The following WDR49 variants were observed in gnomAD, a reference collection of about 807,000 sequenced individuals.
The protein encoded by WDR49 is cilia- and flagella-associated protein 337.
WDR49 carries 107 observed loss-of-function variants against 119.5 expected under a neutral mutation model. The observed-to-expected ratio is 0.90, with a 90% CI of 0.77 to 1.05. The LOEUF is 1.05. WDR49 is among the 50% of genes least tolerant of loss of function. WDR49 has a pLI of 0.00. For synonymous variants in WDR49, 425 were observed against 418.8 expected, an observed-to-expected ratio of 1.01 and a Z score of -0.18; for missense variants, 1,240 against 1,220.5, an observed-to-expected ratio of 1.02 and a Z score of -0.24.
At chr3:167,536,648 C>A (rs1753038686) in intron 11 of WDR49, among the ~76,000 whole-genome samples, 1 of 149,924 alleles carries the variant, frequency 6.7e-6, no homozygotes, top group Non-Finnish European at 1.5e-5. Flanking sequence ...CCACTGCACT[C>A]TAGCCTGGGC....
chr3:167,563,475 T>A (rs1713402824), intron 8 of WDR49, among the ~76,000 whole-genome samples: 1 of 152,070 alleles, frequency 6.6e-6, no homozygotes, highest in Admixed American at 6.6e-5. Flanking sequence ...TCATTACAGA[T>A]AAAATCATGA....
chr3:167,485,266 T>C (rs1750877638), intron 18 of WDR49, among the ~76,000 whole-genome samples: 1 of 151,840 alleles, frequency 6.6e-6, no homozygotes, highest in Non-Finnish European at 1.5e-5. Context: ...ACATAGATGA[T>C]AGGTTGACAG....
intron 16 of WDR49, 109 bp downstream of exon 16, chr3:167,522,206 G>A (rs1752475674): frequency 2.7e-6 from 3 of 1,097,678 alleles, no homozygotes; most frequent in South Asian, 3.9e-5. Flanking sequence ...GAGAAATCTT[G>A]AGGTAGTCAT....
chr3:167,555,024 G>A (rs1391682546), intron 9 of WDR49, among the ~76,000 whole-genome samples: 1 of 152,086 alleles, frequency 6.6e-6, no homozygotes, highest in Non-Finnish European at 1.5e-5. Context: ...CTAATGATAA[G>A]ATAGTATTTA....
intron 2 of WDR49, among the ~76,000 whole-genome samples, chr3:167,635,483 A>G (rs1349682889): frequency 6.6e-6 from 1 of 151,686 alleles, no homozygotes; most frequent in East Asian, 1.9e-4. Flanking sequence ...CAACCCTTAG[A>G]AATGTTGTTT....
intron 7 of WDR49, among the ~76,000 whole-genome samples, chr3:167,584,929 C>G (rs955376961): frequency 6.6e-6 from 1 of 152,002 alleles, no homozygotes; most frequent in Non-Finnish European, 1.5e-5. Context: ...TCTTGACTAT[C>G]TTTTTCTTGA....
chr3:167,526,226 C>T (rs1752623819), intron 15 of WDR49, among the ~76,000 whole-genome samples: 1 of 152,024 alleles, frequency 6.6e-6, no homozygotes, highest in Non-Finnish European at 1.5e-5. Context: ...CAAATAATAT[C>T]AATAATACAA....
At chr3:167,615,900 T>C (rs183394739) in intron 5 of WDR49, among the ~76,000 whole-genome samples, 1 of 152,308 alleles carries the variant, frequency 6.6e-6, no homozygotes, top group East Asian at 1.9e-4. Flanking sequence ...ACAGAGCTCA[T>C]AGTGCACAAT....
chr3:167,499,527 A>T (rs1751479346), intron 18 of WDR49, among the ~76,000 whole-genome samples: 1 of 152,140 alleles, frequency 6.6e-6, no homozygotes, highest in African/African-American at 2.4e-5. Flanking sequence ...CTTTCACAGG[A>T]CCCCTCTTTG....
chr3:167,614,126 G>C (rs894731687), intron 5 of WDR49, among the ~76,000 whole-genome samples: 2 of 151,794 alleles, frequency 1.3e-5, no homozygotes, highest in Admixed American at 6.6e-5. Context: ...ATGGAGTCTC[G>C]CTCTCTCGCC....
At position 167,604,339 on chromosome 3, in the gene WDR49, A is replaced by T. The variant is rs751084430; in HGVS notation, c.1088T>A (p.Ile363Asn). 6.2e-7 allele frequency: 1 copy of T among 1,613,822 alleles called. No individual in the cohort carries two copies. The highest frequency in any genetic ancestry group is 1.1e-5 in the South Asian group (1 of 91,044). ...CCGAGAGTGATAATCAAAAGCATGA[A>T]TGCCCTGGGCAATGTTGAAGGATGT... The part of the protein sequence containing the change: ...NMTSFNIAQG[I>N]HAFDYHSRLN... The change falls in exon 6 of 19, where the codon ATT (isoleucine) becomes AAT (asparagine). Residue 363 changes from isoleucine (I) to asparagine (N), a missense_variant. Coordinates refer to ENST00000682715, the MANE Select transcript of WDR49 (RefSeq NM_001366157.1).
intron 18 of WDR49, among the ~76,000 whole-genome samples, chr3:167,488,580 TCAAGTTCC>T (rs1403199087): frequency 1.3e-5 from 2 of 152,194 alleles, no homozygotes; most frequent in African/African-American, 4.8e-5. Flanking sequence ...TAAAGCACCC[TCAAGTTCC>T]CATATGATCA....
rs986906486 is a variant in WDR49 at position 167,555,187 on chromosome 3, A to G, written c.1675-389T>C. 2.0e-5 allele frequency among the ~76,000 whole-genome samples: 3 copies of G among 152,152 alleles called. No individual in the cohort carries two copies. In the East Asian group the frequency reaches 5.8e-4, roughly 29 times the overall value. On this transcript the variant is annotated intron_variant, in intron 9 of 18. Coordinates refer to ENST00000682715, the MANE Select transcript of WDR49 (RefSeq NM_001366157.1). ...CAGAGAGAAGTTTAAAGTTGAGTTC[A>G]TCTCCAGTGGTCAGTGATGGAGTCA...
chr3:167,516,787 G>A (rs192813124), intron 16 of WDR49, among the ~76,000 whole-genome samples: 685 of 152,154 alleles, frequency 4.5e-3, no homozygotes, highest in African/African-American at 0.014. Context: ...GCAACCTACA[G>A]AATGGGAGAA....
At chr3:167,650,947 C>T (rs542969093) in intron 2 of WDR49, among the ~76,000 whole-genome samples, 3 of 152,000 alleles carry the variant, frequency 2.0e-5, no homozygotes, top group African/African-American at 7.2e-5. Flanking sequence ...GTAGCAAAGC[C>T]GGGATTTAAG....
chr3:167,522,791 G>A (rs1752500553), intron 15 of WDR49, among the ~76,000 whole-genome samples: 1 of 152,116 alleles, frequency 6.6e-6, no homozygotes, highest in South Asian at 2.1e-4. Context: ...ATAGCCAGAT[G>A]TACATTTACT....
chr3:167,501,473 G>A (rs73878730), intron 17 of WDR49, among the ~76,000 whole-genome samples: 13 of 152,190 alleles, frequency 8.5e-5, no homozygotes, highest in African/African-American at 3.1e-4. Context: ...TATCTATCTC[G>A]TGTAATCCTA....
intron 18 of WDR49, among the ~76,000 whole-genome samples, chr3:167,479,242 T>A (rs1425821883): frequency 1.3e-5 from 2 of 152,176 alleles, no homozygotes; most frequent in South Asian, 2.1e-4. Flanking sequence ...AATCCACCAT[T>A]CTAAGGGTAG....
intron 7 of WDR49, among the ~76,000 whole-genome samples, chr3:167,599,413 T>C (rs2108303503): frequency 6.6e-6 from 1 of 152,264 alleles, no homozygotes; most frequent in East Asian, 1.9e-4. Flanking sequence ...CATTGTTCAC[T>C]TAAGGATTAA....
Sources: gnomAD v4.1 joint callset for allele counts (sites outside exome capture counted in the v4.1 genomes callset) on GRCh38, gnomAD v4.1.1 for gene constraint, MANE v1.5 for transcripts, NCBI Gene and HGNC (gene_info 2026-07-23, HGNC 2026-07-21) for gene names.